Variants in STEAP4 observed in about 807,000 individuals in gnomAD.
The protein encoded by STEAP4 is STEAP4 metalloreductase, also known as metalloreductase STEAP4.
In STEAP4, 36 loss-of-function variants were observed where a neutral mutation model predicts 43.6. That is an observed-to-expected ratio of 0.83 (90% CI 0.63 to 1.09). The LOEUF is 1.09. Ranked by LOEUF, STEAP4 falls within the 50% of genes least tolerant of loss-of-function variation. The pLI, the probability that STEAP4 is intolerant of heterozygous loss-of-function variation, is 0.00. For synonymous variants in STEAP4, 191 were observed against 196.7 expected (o/e 0.97, Z 0.24); for missense variants, 495 against 546.5 (o/e 0.91, Z 0.94).
intron 1 of STEAP4, among the ~76,000 whole-genome samples, chr7:88,294,498 T>C (rs950471897): frequency 1.1e-4 from 16 of 152,252 alleles, no homozygotes; most frequent in African/African-American, 3.4e-4. Context: ...TTTAAAGTTA[T>C]ATGATGGACT....
intron 1 of STEAP4, among the ~76,000 whole-genome samples, chr7:88,289,010 T>C (rs933113150): frequency 4.6e-5 from 7 of 152,140 alleles, no homozygotes; most frequent in Non-Finnish European, 4.4e-5. Context: ...TTTTCCAATA[T>C]GTAGTTTAAG....
Position 88,280,999 on chromosome 7 carries a change from C to A in STEAP4, c.1065G>T (p.Gly355=), listed in dbSNP as rs375955638. Residue 355 remains glycine (G), a synonymous_variant, in exon 4 of 5, where the codon GGG becomes GGT. Coordinates refer to ENST00000380079, the MANE Select transcript of STEAP4 (RefSeq NM_024636.4). The part of the protein sequence containing the change: ...SDSYVALGIL[G]FFLFVLLGIT... ...TTCCCAAGAGTACAAACAGAAAAAACCCAAGTATTCCCAAAGCCACATATG... is the reference window on the plus strand; with the variant it reads ...TTCCCAAGAGTACAAACAGAAAAAAACCAAGTATTCCCAAAGCCACATATG... 49 of 1,613,118 alleles carry A rather than the reference C, an allele frequency of 3.0e-5. No homozygotes were observed. In the Admixed American group the frequency reaches 4.0e-4, roughly 13 times the overall value.
intron 1 of STEAP4, among the ~76,000 whole-genome samples, chr7:88,304,652 G>A (rs865784356): frequency 2.6e-5 from 4 of 151,882 alleles, no homozygotes; most frequent in Non-Finnish European, 5.9e-5. Flanking sequence ...GTGTGTGTGT[G>A]TGTGTGTGTG....
rs868066673 is a variant in STEAP4, at chr7:88,280,929, ACT to A, written c.1133_1134del (p.Glu378ValfsTer117). 1.9e-6 allele frequency: 3 copies of A among 1,604,488 alleles called. No homozygotes were observed. The highest frequency in any genetic ancestry group is 1.3e-5 in the African/African-American group (1 of 74,212). On this transcript the variant is annotated frameshift_variant, in exon 4 of 5. Transcript: ENST00000380079. LOFTEE classifies it high-confidence loss of function. ...GAAGTTCTTACCTGGACAAATCGGA[ACT>A]CTCTCCAGTTGACTGCATTGCTAAC... ...PSVSNAVNWR[E>X]FRFVQSKLGY... is the part of the protein sequence containing the mutation.
chr7:88,292,876 G>A (rs182903765), intron 1 of STEAP4: 15 of 152,146 alleles, frequency 9.9e-5, no homozygotes, highest in African/African-American at 3.1e-4. Context: ...ATTGCCGAGC[G>A]GTATTCTACA....
At position 88,278,132 on chromosome 7, in the gene STEAP4, T is replaced by C. The variant is rs1852545251; in HGVS notation, c.*1266A>G. On this transcript the variant is annotated 3_prime_UTR_variant, in exon 5 of 5. Transcript: ENST00000380079. ...ACTCAGTGCCTTTTAGTTATTTTGA[T>C]ATGTGGGAAGATCATGCATAAGGCT... 1 of 151,986 alleles carries C rather than the reference T, an allele frequency of 6.6e-6. No homozygotes were observed. The highest frequency in any genetic ancestry group is 6.6e-5 in the Admixed American group (1 of 15,252). 9.4% of individuals were successfully genotyped at this position (151,986 alleles called of 1,614,324 possible). A position where few individuals can be genotyped will look rare whatever the true frequency, so the allele number is the denominator to read the frequency against.
At chr7:88,279,662 A>G in intron 4 of STEAP4, 34 bp from the exon 5 acceptor site, 1 of 1,505,444 alleles carries the variant, frequency 6.6e-7, no homozygotes, top group East Asian at 2.4e-5. Flanking sequence ...GTAAGTTAAC[A>G]TTATTTACAT....
chr7:88,297,517 A>G (rs1852942873), intron 1 of STEAP4, among the ~76,000 whole-genome samples: 1 of 152,188 alleles, frequency 6.6e-6, no homozygotes, highest in East Asian at 1.9e-4. Context: ...GATTAAACTC[A>G]AATGTCAGAT....
chr7:88,287,154 C>A (rs910447241), intron 1 of STEAP4, among the ~76,000 whole-genome samples: 1 of 152,180 alleles, frequency 6.6e-6, no homozygotes, highest in African/African-American at 2.4e-5. Flanking sequence ...CAGCTACAGA[C>A]ACCCAGTGAT....
chr7:88,288,882 T>C (rs1198081514), intron 1 of STEAP4, among the ~76,000 whole-genome samples: 1 of 152,192 alleles, frequency 6.6e-6, no homozygotes, highest in East Asian at 1.9e-4. Flanking sequence ...CATGTGGCTG[T>C]AGAATTTAAA....
chr7:88,301,431 C>T (rs1031562359), intron 1 of STEAP4, among the ~76,000 whole-genome samples: 1 of 152,142 alleles, frequency 6.6e-6, no homozygotes, highest in Non-Finnish European at 1.5e-5. Context: ...CACTACTACA[C>T]CTAGCTAACG....
At chr7:88,298,891 T>G (rs1289818411) in intron 1 of STEAP4, among the ~76,000 whole-genome samples, 1 of 152,216 alleles carries the variant, frequency 6.6e-6, no homozygotes, top group Non-Finnish European at 1.5e-5. Context: ...TTATTTTTTA[T>G]GCTAGACAAT....
At chr7:88,283,616 G>A (rs1852669399) in intron 2 of STEAP4, 198 bp downstream of exon 2, 1 of 637,784 alleles carries the variant, frequency 1.6e-6, no homozygotes, top group Non-Finnish European at 2.6e-6. Context: ...ACTAAAATCT[G>A]AGGGTGCAGA....
In STEAP4 at chr7:88,275,368, AG is replaced by A. The variant is rs1355350886; in HGVS notation, c.*4029del. 1.0e-4 allele frequency: 16 copies of A among 152,388 alleles called. No homozygotes were observed. The highest frequency in any genetic ancestry group is 3.6e-4 in the African/African-American group (15 of 41,580). The allele number at this position is 152,388 out of a possible 1,614,324, so 9.4% of individuals were successfully genotyped here. A position where few individuals can be genotyped will look rare whatever the true frequency, so the allele number is the denominator to read the frequency against. On this transcript the variant is annotated 3_prime_UTR_variant, in exon 5 of 5. Transcript: ENST00000380079. ...TGGCCTCCCAAAGTGCTGGGATTAC[AG>A]GTGTGAGTCACTGCGCCCGGCCAGT...
chr7:88,292,928 C>A (rs1188961436), intron 1 of STEAP4: 4 of 152,104 alleles, frequency 2.6e-5, no homozygotes, highest in African/African-American at 7.2e-5. Flanking sequence ...TAAGGTAGGA[C>A]ATTTTGGTTG....
chr7:88,303,495 CAAAAA>C (rs5885618), intron 1 of STEAP4, among the ~76,000 whole-genome samples: 1 of 114,376 alleles, frequency 8.7e-6, no homozygotes, highest in Non-Finnish European at 1.9e-5. Flanking sequence ...GACTCAGTCT[CAAAAA>C]AAAAAAAAAA....
chr7:88,297,916 A>G (rs1270574521), intron 1 of STEAP4, among the ~76,000 whole-genome samples: 1 of 152,208 alleles, frequency 6.6e-6, no homozygotes, highest in Non-Finnish European at 1.5e-5. Context: ...AAATATGTTC[A>G]GAATACTTAA....
chr7:88,299,935 A>G (rs1853001781), intron 1 of STEAP4, among the ~76,000 whole-genome samples: 1 of 152,068 alleles, frequency 6.6e-6, no homozygotes. Flanking sequence ...AATATAGCCT[A>G]CTTCATCTTC....
In STEAP4 at chr7:88,283,888, C is replaced by A; in HGVS notation, c.382G>T (p.Ala128Ser). ...GTGTTAAATGCTTTTACCACGTGGG[C>A]TCCTGGCACCAAATGAGCAAGGTAC... ...AEYLAHLVPG[A>S]HVVKAFNTIS... is the part of the protein sequence containing the mutation. The change falls in exon 2 of 5, where the codon GCC becomes TCC. Residue 128 changes from alanine (A) to serine (S), a missense_variant. By Grantham distance (99) the Ala-to-Ser change is moderately conservative. Transcript: ENST00000380079. The A allele has an allele frequency of 6.2e-7, 1 of 1,614,142 alleles. No homozygotes were observed.
Sources: allele counts gnomAD v4.1 joint callset (sites outside exome capture counted in the v4.1 genomes callset), GRCh38; gene constraint gnomAD v4.1.1; transcripts MANE v1.5; gene names NCBI Gene and HGNC (gene_info 2026-07-23, HGNC 2026-07-21).